SCN7A: variants seen among roughly 807,000 people sequenced by gnomAD.
SCN7A encodes the protein sodium voltage-gated channel alpha subunit 7, also known as sodium channel protein type 7 subunit alpha.
In SCN7A, 138 loss-of-function variants were observed where a neutral mutation model predicts 155.2. That is an observed-to-expected ratio of 0.89 (90% CI 0.77 to 1.02). The LOEUF (loss-of-function observed/expected upper bound fraction) is 1.02. Ranked by LOEUF, SCN7A falls within the 50% of genes least tolerant of loss-of-function variation. The pLI, the probability that SCN7A is intolerant of heterozygous loss-of-function variation, is 0.00. For synonymous variants in SCN7A, 693 were observed against 649.0 expected (o/e 1.07, Z -1.03); for missense variants, 2,058 against 1,986.6 (o/e 1.04, Z -0.68).
intron 15 of SCN7A, chr2:166,436,444 TG>T: frequency 2.4e-6 from 1 of 421,688 alleles, no homozygotes; most frequent in South Asian, 1.7e-5. Context: ...CCAAGCCCTG[TG>T]GAACCGTGAG....
chr2:166,415,087 A>T (rs1575005464), intron 21 of SCN7A, among the ~76,000 whole-genome samples: 1 of 147,524 alleles, frequency 6.8e-6, no homozygotes, highest in Non-Finnish European at 1.5e-5. Flanking sequence ...GGGAAGCCTG[A>T]CTAATACATT....
intron 7 of SCN7A, among the ~76,000 whole-genome samples, chr2:166,469,261 T>A (rs550311676): frequency 1.3e-3 from 198 of 151,848 alleles, no homozygotes; most frequent in African/African-American, 4.5e-3. Context: ...GCTTGTTTGA[T>A]GCACTTATAA....
chr2:166,414,223 AAT>A (rs1553513725), intron 21 of SCN7A, among the ~76,000 whole-genome samples: 4 of 90,714 alleles, frequency 4.4e-5, no homozygotes, highest in Non-Finnish European at 5.9e-5. Context: ...AATATATATA[AAT>A]ATATATATCT....
chr2:166,467,502 C>T (rs12468943), intron 7 of SCN7A, among the ~76,000 whole-genome samples: 26,760 of 116,204 alleles, frequency 0.23, 3,005 homozygotes, highest in South Asian at 0.3. Flanking sequence ...TATATATATA[C>T]ACACACACAC....
chr2:166,421,296 A>C lies in SCN7A; in HGVS notation c.3029T>G (p.Val1010Gly). 2 of 1,472,236 alleles carry C rather than the reference A, an allele frequency of 1.4e-6. No individual in the cohort carries two copies. The highest frequency in any genetic ancestry group is 1.8e-6 in the Non-Finnish European group (2 of 1,107,808). 91.2% of individuals were successfully genotyped at this position (1,472,236 alleles called of 1,614,324 possible). ...TTTGCCTATTAAGCTAAGACAAAAC[A>C]CCTATATATTTTTTTTAAAAAAAGA... ...WYRLDFVVVI[V>G]FCLSLIGKTR... The change falls in exon 20 of 26, where the codon GTG becomes GGG. Residue 1010 changes from valine to glycine, a missense_variant and splice_region_variant. Physicochemically the swap from Val to Gly is moderately radical, Grantham distance 109 (BLOSUM62 -3). Coordinates refer to ENST00000643258, the MANE Select transcript of SCN7A (RefSeq NM_002976.4).
Position 166,432,368 on chromosome 2 carries a change from G to T in SCN7A, c.2542C>A (p.Leu848Met). ...TTACTCTGAATCTCCTTATTATCCA[G>T]ATTTTCTATATCAGATTCTCCTGAA... is the stretch of plus-strand genomic sequence containing the variant. ...IASGESDIEN[L>M]DNKEIQSKSG... The change falls in exon 16 of 26, where the codon CTG becomes ATG. Residue 848 changes from leucine to methionine, a missense_variant. Coordinates refer to ENST00000643258, the MANE Select transcript of SCN7A (RefSeq NM_002976.4). 6.2e-7 allele frequency: 1 copy of T among 1,612,712 alleles called. No homozygotes were observed. Among genetic ancestry groups the T allele is most frequent in the Non-Finnish European group, 8.5e-7 (1 of 1,179,396 alleles).
At position 166,432,407 on chromosome 2, in the gene SCN7A, T is replaced by C. The variant is rs763121066; in HGVS notation, c.2503A>G (p.Thr835Ala). The change falls in exon 16 of 26, where the codon ACT (threonine) becomes GCT (alanine). Residue 835 changes from threonine (T) to alanine (A), a missense_variant. Transcript: ENST00000643258. ...SLIPSPSVSE[T>A]VPIASGESDI... ...GATTCTCCTGAAGCAATTGGTACAGTTTCTGAGACACTAGGACTGGGGATA... is the reference window on the plus strand; with the variant it reads ...GATTCTCCTGAAGCAATTGGTACAGCTTCTGAGACACTAGGACTGGGGATA... 3 of 1,613,570 alleles carry C rather than the reference T, an allele frequency of 1.9e-6. No individual in the cohort carries two copies. The highest frequency in any genetic ancestry group is 2.5e-6 in the Non-Finnish European group (3 of 1,179,608).
intron 2 of SCN7A, among the ~76,000 whole-genome samples, chr2:166,478,807 C>T (rs1341523663): frequency 6.6e-6 from 1 of 151,962 alleles, no homozygotes; most frequent in African/African-American, 2.4e-5. Flanking sequence ...CAACTCTAGT[C>T]TTTACCTATT....
intron 7 of SCN7A, among the ~76,000 whole-genome samples, chr2:166,469,576 C>G (rs1360469791): frequency 6.6e-6 from 1 of 151,090 alleles, no homozygotes; most frequent in Non-Finnish European, 1.5e-5. Context: ...GTGAGAGGTC[C>G]CTACTAGCCT....
chr2:166,428,407 T>A (rs1397069370), intron 17 of SCN7A, among the ~76,000 whole-genome samples: 1 of 152,058 alleles, frequency 6.6e-6, no homozygotes, highest in East Asian at 1.9e-4. Context: ...TTAAATCAAA[T>A]TAATTGCTTT....
rs1463826730 is a variant in SCN7A at position 166,436,806 on chromosome 2, T to C, written c.2158-4054A>G. Among the ~76,000 whole-genome samples, 5 of 152,326 alleles carry C rather than the reference T, an allele frequency of 3.3e-5. No homozygotes were observed. In the East Asian group the frequency reaches 9.7e-4, roughly 29 times the overall value. ...CTGGAGCAAAAGTGACTCCTTTAGC[T>C]GTGCTTTAGCAAAGAGACTGGTGGC... is the stretch of plus-strand genomic sequence containing the variant. On this transcript the variant is annotated intron_variant, in intron 15 of 25. Transcript: ENST00000643258.
intron 21 of SCN7A, among the ~76,000 whole-genome samples, chr2:166,413,686 G>C (rs1701251086): frequency 6.6e-6 from 1 of 151,738 alleles, no homozygotes; most frequent in South Asian, 2.1e-4. Context: ...CAGTGGGCTG[G>C]GGAAGACAGA....
At chr2:166,442,560 AT>A (rs77796012) in intron 14 of SCN7A, among the ~76,000 whole-genome samples, 2 of 150,576 alleles carry the variant, frequency 1.3e-5, no homozygotes, top group South Asian at 4.2e-4. Context: ...CTAATTTTTT[AT>A]TTTTTTTTAG....
chr2:166,429,697 T>C (rs955758638), intron 16 of SCN7A, among the ~76,000 whole-genome samples: 19 of 152,010 alleles, frequency 1.2e-4, no homozygotes, highest in African/African-American at 4.3e-4. Context: ...TAGATAATAG[T>C]GCACCTAGGT....
chr2:166,457,068 A>C lies in SCN7A; in HGVS notation c.1092T>G (p.Tyr364Ter). 6.2e-7 allele frequency: 1 copy of C among 1,603,866 alleles called. No homozygotes were observed. Among genetic ancestry groups the C allele is most frequent in the South Asian group, 1.1e-5 (1 of 89,656 alleles). Residue 364 changes from tyrosine (Y) to a stop codon, truncating the protein, a stop_gained, in exon 11 of 26, where the codon TAT becomes TAG. Coordinates refer to ENST00000643258, the MANE Select transcript of SCN7A (RefSeq NM_002976.4). LOFTEE classifies it high-confidence loss of function. ...ATATCATGTAGACCTTCCCAGAAGC[A>C]TAAAGTATCTAAGGAAAGGTAGAAA... ...YPEVLYHQIL[Y>*]ASGKVYMIFF...
Position 166,479,164 on chromosome 2 carries a change from C to T in SCN7A, c.-14-1454G>A, listed in dbSNP as rs192541970. On this transcript the variant is annotated intron_variant, in intron 2 of 25. Transcript: ENST00000643258. Reference sequence around the variant, plus strand: ...TATAAGATTTTCCCAAGACAGAAATCACCTACACATATATATACTCACACA... The same window carrying T: ...TATAAGATTTTCCCAAGACAGAAATTACCTACACATATATATACTCACACA... 2.8e-3 allele frequency among the ~76,000 whole-genome samples: 428 copies of T among 152,220 alleles called. 5 individuals are homozygous for T. Among genetic ancestry groups the T allele is most frequent in the South Asian group, 0.013 (63 of 4,834 alleles).
At position 166,405,776 on chromosome 2, in the gene SCN7A, G is replaced by T. The variant is rs1701056151; in HGVS notation, c.4853C>A (p.Thr1618Asn). 6.2e-7 allele frequency: 1 copy of T among 1,612,952 alleles called. No homozygotes were observed. ...TGCCTCTTGTTTTCGTTTCAAAGTAGTCGTAATTGGCTCACATGTGATCTT... is the reference window on the plus strand; with the variant it reads ...TGCCTCTTGTTTTCGTTTCAAAGTATTCGTAATTGGCTCACATGTGATCTT... ...PFKITCEPIT[T>N]TLKRKQEAVS... The change falls in exon 26 of 26, where the codon ACT becomes AAT. Residue 1618 changes from threonine (T) to asparagine (N), a missense_variant. Transcript: ENST00000643258.
At chr2:166,416,565 T>C (rs1430428907) in intron 21 of SCN7A, 142 bp downstream of exon 21, 2 of 715,246 alleles carry the variant, frequency 2.8e-6, no homozygotes, top group Non-Finnish European at 4.6e-6. Flanking sequence ...CCCCGATAGT[T>C]GTATGTCCCA....
intron 7 of SCN7A, among the ~76,000 whole-genome samples, chr2:166,466,435 A>T (rs1002531644): frequency 2.6e-5 from 4 of 152,146 alleles, no homozygotes; most frequent in Non-Finnish European, 5.9e-5. Context: ...AATAATTTCA[A>T]TAAGCAGGAA....
Sources: allele counts gnomAD v4.1 joint callset (sites outside exome capture counted in the v4.1 genomes callset), GRCh38; gene constraint gnomAD v4.1.1; transcripts MANE v1.5; gene names NCBI Gene and HGNC (gene_info 2026-07-23, HGNC 2026-07-21).